The following TJP1 variants were observed in gnomAD, a reference collection of about 807,000 sequenced individuals.
TJP1 encodes tight junction protein 1, also known as tight junction protein ZO-1.
In TJP1, 43 loss-of-function variants were observed where a neutral mutation model predicts 194.2. The observed-to-expected ratio is 0.22, with a 90% CI of 0.17 to 0.29. The LOEUF (loss-of-function observed/expected upper bound fraction) is 0.29. Ranked by LOEUF, TJP1 falls within the 10% of genes least tolerant of loss-of-function variation. The pLI, the probability that TJP1 is intolerant of heterozygous loss-of-function variation, is 1.00. For synonymous variants in TJP1, 801 were observed against 779.0 expected, an observed-to-expected ratio of 1.03 and a Z score of -0.47; for missense variants, 1,971 against 2,185.7, an observed-to-expected ratio of 0.90 and a Z score of 1.96.
intron 2 of TJP1, among the ~76,000 whole-genome samples, chr15:29,954,803 G>A (rs553698288): frequency 2.0e-5 from 3 of 152,182 alleles, no homozygotes; most frequent in East Asian, 3.9e-4. Flanking sequence ...AGTATTGGCC[G>A]GGCACGGTGG....
chr15:29,772,674 G>A (rs1318501407), intron 3 of TJP1, among the ~76,000 whole-genome samples: 1 of 152,116 alleles, frequency 6.6e-6, no homozygotes, highest in Admixed American at 6.5e-5. Flanking sequence ...TACCCAAAAG[G>A]AGTTATACAT....
intron 1 of TJP1, among the ~76,000 whole-genome samples, chr15:29,809,358 C>G (rs906415501): frequency 2.6e-5 from 4 of 152,120 alleles, no homozygotes; most frequent in Non-Finnish European, 5.9e-5. Context: ...TTGTAATCAC[C>G]ACAAGGAAGC....
Position 29,701,659 on chromosome 15 carries a change from A to G in TJP1, c.5243T>C (p.Leu1748Pro), listed in dbSNP as rs563193006. The G allele has an allele frequency of 1.2e-6, 2 of 1,614,176 alleles. No homozygotes were observed. The highest frequency in any genetic ancestry group is 4.5e-5 in the East Asian group (2 of 44,872). The change falls in exon 28 of 28, where the codon CTT becomes CCT. Residue 1748 changes from leucine (L) to proline (P), a missense_variant. This residue lies in a region of TJP1 where 1,108 missense variants were observed against 1,128.5 expected (regional missense o/e 0.98). Coordinates refer to ENST00000614355, the MANE Select transcript of TJP1 (RefSeq NM_001330239.4). ...AACGAGATAATTTGGATCTCCGGGA[A>G]GACACTTGTTTTGCCAGGTTTTAGG... is the stretch of plus-strand genomic sequence containing the variant. Reference protein sequence around the residue: ...GDPKTWQNKCLPGDPNYLVGA... With the variant: ...GDPKTWQNKCPPGDPNYLVGA...
At chr15:29,742,841 A>G in intron 8 of TJP1, 60 bp from the exon 9 acceptor site, 1 of 1,483,858 alleles carries the variant, frequency 6.7e-7, no homozygotes, top group Non-Finnish European at 9.0e-7. Context: ...AGCATCTGTA[A>G]GAGAACAGTA....
At chr15:29,866,390 T>C (rs181883937) in intron 2 of TJP1, among the ~76,000 whole-genome samples, 67 of 152,322 alleles carry the variant, frequency 4.4e-4, no homozygotes, top group Non-Finnish European at 7.6e-4. Context: ...GTGTGTTTTG[T>C]TTATGAAGAA....
chr15:29,902,723 G>T (rs574954875), intron 2 of TJP1, among the ~76,000 whole-genome samples: 1 of 152,188 alleles, frequency 6.6e-6, no homozygotes, highest in East Asian at 1.9e-4. Context: ...GTTGTTGTAT[G>T]CTATTCACCT....
Position 29,862,333 on chromosome 15 carries a change from A to G in TJP1, c.307-61631T>C, listed in dbSNP as rs545911546. Among the ~76,000 whole-genome samples the G allele has an allele frequency of 2.6e-5, 4 of 152,342 alleles. No individual in the cohort carries two copies. The East Asian group carries it at 7.7e-4, about 29-fold the overall frequency. On this transcript the variant is annotated intron_variant, in intron 2 of 28. Transcript: ENST00000356107. Reference sequence around the variant, plus strand: ...GTCCAGTGAGAGAGGTAAACAGTACAACATGGGATGTTCAGGACTAATCAC... The same window carrying G: ...GTCCAGTGAGAGAGGTAAACAGTACGACATGGGATGTTCAGGACTAATCAC...
chr15:29,792,787 A>G (rs1284596180), intron 2 of TJP1, among the ~76,000 whole-genome samples: 1 of 152,078 alleles, frequency 6.6e-6, no homozygotes, highest in Non-Finnish European at 1.5e-5. Context: ...AATATCTTTC[A>G]TCAGTGTTTT....
At chr15:29,965,280 G>C (rs1396343093) in intron 1 of TJP1, among the ~76,000 whole-genome samples, 1 of 151,856 alleles carries the variant, frequency 6.6e-6, no homozygotes, top group African/African-American at 2.4e-5. Flanking sequence ...TACAATCTCG[G>C]CTCACTGCAA....
At chr15:29,842,175 G>C (rs1443593141) in intron 2 of TJP1, among the ~76,000 whole-genome samples, 1 of 152,100 alleles carries the variant, frequency 6.6e-6, no homozygotes, top group Non-Finnish European at 1.5e-5. Flanking sequence ...TGTATCATAG[G>C]TTCATTGATA....
At chr15:29,955,753 TA>T (rs563535771) in intron 2 of TJP1, among the ~76,000 whole-genome samples, 372 of 35,792 alleles carry the variant, frequency 0.01, 2 homozygotes, top group Non-Finnish European at 0.014. Context: ...CCTGGCTCTT[TA>T]AAAAAAAAAA....
chr15:29,893,429 G>A (rs1384912633), intron 2 of TJP1, among the ~76,000 whole-genome samples: 2 of 152,166 alleles, frequency 1.3e-5, no homozygotes, highest in Non-Finnish European at 2.9e-5. Context: ...AAGTCCTACC[G>A]TAGATCAAAT....
intron 2 of TJP1, among the ~76,000 whole-genome samples, chr15:29,832,719 C>T (rs1567115817): frequency 6.6e-6 from 1 of 152,250 alleles, no homozygotes; most frequent in Non-Finnish European, 1.5e-5. Flanking sequence ...CAAGTAGTTA[C>T]TCCACTGATA....
At chr15:29,958,756 G>T (rs755023243) in intron 1 of TJP1, among the ~76,000 whole-genome samples, 3 of 125,300 alleles carry the variant, frequency 2.4e-5, no homozygotes, top group Non-Finnish European at 5.2e-5. Flanking sequence ...GCATTAGCAC[G>T]TCTTCATTCC....
intron 2 of TJP1, among the ~76,000 whole-genome samples, chr15:29,843,505 A>G (rs1418093296): frequency 6.6e-6 from 1 of 152,136 alleles, no homozygotes; most frequent in African/African-American, 2.4e-5. Flanking sequence ...TGATTTTTCT[A>G]TCAATGCAAA....
In TJP1 at chr15:29,762,404, A is replaced by C; in HGVS notation, c.624T>G (p.Val208=). 6.2e-7 allele frequency: 1 copy of C among 1,613,706 alleles called. No individual in the cohort carries two copies. The highest frequency in any genetic ancestry group is 8.5e-7 in the Non-Finnish European group (1 of 1,179,922). The change falls in exon 6 of 28, where the codon GTT becomes GTG. Residue 208 remains valine, a synonymous_variant. Transcript: ENST00000614355. ...CCAAACTATCTTGTGAAATTTCCTT[A>C]ACAAATATATGGCTTGCCAATCGAA... ...YGLRLASHIF[V]KEISQDSLAA...
chr15:29,907,010 A>G (rs1021789211), intron 2 of TJP1, among the ~76,000 whole-genome samples: 9 of 152,242 alleles, frequency 5.9e-5, no homozygotes, highest in African/African-American at 1.9e-4. Flanking sequence ...GTAGCAAAAT[A>G]TTATCTAACA....
chr15:29,869,795 C>CTTTCTTTT (rs2052437376), intron 2 of TJP1, among the ~76,000 whole-genome samples: 3 of 56,060 alleles, frequency 5.4e-5, no homozygotes, highest in African/African-American at 1.3e-4. Context: ...TTCTTTCTTT[C>CTTTCTTTT]TTTTTTTTTT....
chr15:29,814,898 T>C (rs2049800913), intron 1 of TJP1, among the ~76,000 whole-genome samples: 2 of 152,190 alleles, frequency 1.3e-5, no homozygotes. Context: ...CACCTGAGAT[T>C]CAGTATTGAG....
Sources: allele counts gnomAD v4.1 joint callset (sites outside exome capture counted in the v4.1 genomes callset), GRCh38; gene constraint gnomAD v4.1.1; regional missense constraint gnomAD v4.1.1; transcripts MANE v1.5; gene names NCBI Gene and HGNC (gene_info 2026-07-23, HGNC 2026-07-21).